The following RANBP2 variants were observed in gnomAD, a reference collection of about 807,000 sequenced individuals.
RANBP2 encodes RAN binding protein 2, also known as E3 SUMO-protein ligase RanBP2.
Under a neutral mutation model 303.6 loss-of-function variants are expected in RANBP2, and 57 were observed. That is an observed-to-expected ratio of 0.19 (90% CI 0.15 to 0.23). The LOEUF is 0.23. RANBP2 is among the 10% of genes least tolerant of loss of function. RANBP2 has a pLI of 1.00. For synonymous variants in RANBP2, 1,167 were observed against 1,301.5 expected (o/e 0.90, Z 2.23); for missense variants, 3,138 against 3,780.8 (o/e 0.83, Z 4.46).
chr2:109,112,507 G>C, the RANBP2 span, among the ~76,000 whole-genome samples: 1 of 151,964 alleles, frequency 6.6e-6, no homozygotes, highest in South Asian at 2.1e-4. Flanking sequence ...AAATTTGTTT[G>C]AGTTCATTGT....
the RANBP2 span, among the ~76,000 whole-genome samples, chr2:109,612,114 C>T: frequency 6.6e-6 from 1 of 151,846 alleles, no homozygotes; most frequent in Non-Finnish European, 1.5e-5. Context: ...ACAATCATAC[C>T]ATGGAATACT....
At chr2:108,770,020 G>A (rs1677387475) in intron 20 of RANBP2, among the ~76,000 whole-genome samples, 1 of 152,082 alleles carries the variant, frequency 6.6e-6, no homozygotes, top group Admixed American at 6.6e-5. Flanking sequence ...TATTTTTAAA[G>A]ATACGGTCTT....
At chr2:109,129,143 T>TG in the RANBP2 span, 1 of 379,090 alleles carries the variant, frequency 2.6e-6, no homozygotes, top group East Asian at 1.3e-4. Flanking sequence ...CCCGGGGACC[T>TG]GGCCGGCCGC....
the RANBP2 span, chr2:108,857,066 C>CT: frequency 5.6e-3 from 249 of 44,082 alleles, 88 homozygotes; most frequent in African/African-American, 0.019. Flanking sequence ...GATACTATTG[C>CT]TTTTTTTTTT....
the RANBP2 span, among the ~76,000 whole-genome samples, chr2:109,026,619 G>C: frequency 5.3e-5 from 8 of 152,138 alleles, no homozygotes; most frequent in Admixed American, 5.2e-4. Flanking sequence ...TATTCAAGTG[G>C]GGAAAGCAGC....
the RANBP2 span, among the ~76,000 whole-genome samples, chr2:109,539,178 G>A: frequency 2.0e-5 from 3 of 151,996 alleles, no homozygotes; most frequent in African/African-American, 4.8e-5. Context: ...CCCACCAGTA[G>A]TCCCAACTAT....
At chr2:109,620,239 C>T in the RANBP2 span, among the ~76,000 whole-genome samples, 3 of 152,294 alleles carry the variant, frequency 2.0e-5, no homozygotes, top group Admixed American at 2.0e-4. Flanking sequence ...TGCATTCATG[C>T]TATGTGAATA....
At position 108,782,761 on chromosome 2, in the gene RANBP2, C is replaced by T; in HGVS notation, c.9268C>T (p.Pro3090Ser). The change falls in exon 28 of 29, where the codon CCT (proline) becomes TCT (serine). Residue 3090 changes from proline (P) to serine (S), a missense_variant. By Grantham distance (74) the Pro-to-Ser change is moderately conservative. Around this residue, in one of 20 missense-constraint regions of RANBP2, gnomAD observed 204 missense variants for 228.4 expected, o/e 0.89. Coordinates refer to ENST00000283195, the MANE Select transcript of RANBP2 (RefSeq NM_006267.5). The stretch of plus-strand genomic sequence containing the variant: ...TATGGAATTATTTTCAAACATTGTT[C>T]CTCGGACTGCTGAGAACTTCAGAGC... ...ITMELFSNIV[P>S]RTAENFRALC... The T allele has an allele frequency of 6.2e-7, 1 of 1,614,166 alleles. No homozygotes were observed. Among genetic ancestry groups the T allele is most frequent in the Non-Finnish European group, 8.5e-7 (1 of 1,180,020 alleles).
chr2:109,712,434 T>G, the RANBP2 span, among the ~76,000 whole-genome samples: 1 of 152,044 alleles, frequency 6.6e-6, no homozygotes, highest in Non-Finnish European at 1.5e-5. Context: ...AATTATTTAT[T>G]TTATTTTATT....
chr2:109,609,893 G>A, the RANBP2 span, among the ~76,000 whole-genome samples: 7 of 151,942 alleles, frequency 4.6e-5, no homozygotes, highest in African/African-American at 1.7e-4. Flanking sequence ...GGCAGTCAGT[G>A]GACTGTACTC....
intron 25 of RANBP2, 114 bp downstream of exon 25, chr2:108,777,345 C>T: frequency 4.1e-6 from 2 of 492,176 alleles, no homozygotes; most frequent in Non-Finnish European, 6.5e-6. Flanking sequence ...CCTTACCCCC[C>T]AGTTTGTTTT....
At chr2:109,204,498 TCTAGA>T in the RANBP2 span, among the ~76,000 whole-genome samples, 56 of 152,346 alleles carry the variant, frequency 3.7e-4, no homozygotes, top group Admixed American at 1.9e-3. Context: ...TCTCCCTTAT[TCTAGA>T]CTAGTTTCTC....
At chr2:109,312,321 C>G in the RANBP2 span, among the ~76,000 whole-genome samples, 6 of 152,150 alleles carry the variant, frequency 3.9e-5, no homozygotes, top group Non-Finnish European at 8.8e-5. Flanking sequence ...GCTTGCTCCT[C>G]TTTCTAATAA....
the RANBP2 span, chr2:108,895,315 G>A: frequency 3.3e-5 from 5 of 152,440 alleles, no homozygotes; most frequent in South Asian, 2.1e-4. Context: ...TTACAACCTC[G>A]CTTTATAAGT....
At chr2:109,464,308 A>C in the RANBP2 span, among the ~76,000 whole-genome samples, 1 of 152,234 alleles carries the variant, frequency 6.6e-6, no homozygotes, top group African/African-American at 2.4e-5. Context: ...ACACATGTAC[A>C]ACATGAACTC....
the RANBP2 span, among the ~76,000 whole-genome samples, chr2:109,723,422 T>C: frequency 6.6e-6 from 1 of 152,200 alleles, no homozygotes; most frequent in Non-Finnish European, 1.5e-5. Flanking sequence ...AGTGCTGGGA[T>C]TACAGGTATG....
chr2:109,671,085 G>A, the RANBP2 span, among the ~76,000 whole-genome samples: 1 of 152,230 alleles, frequency 6.6e-6, no homozygotes, highest in Non-Finnish European at 1.5e-5. Flanking sequence ...ACAAGGTGAT[G>A]CTGTAACGCT....
chr2:109,003,205 C>CAA, the RANBP2 span, among the ~76,000 whole-genome samples: 15,708 of 44,558 alleles, frequency 0.35, 2,999 homozygotes, highest in East Asian at 0.84. Flanking sequence ...GTCTCCCTCT[C>CAA]AAAAAAAAAA....
At chr2:108,890,306 A>G in the RANBP2 span, among the ~76,000 whole-genome samples, 3 of 144,826 alleles carry the variant, frequency 2.1e-5, no homozygotes, top group Non-Finnish European at 4.4e-5. Context: ...GTGCAGTGGC[A>G]TGATATGGGC....
Sources: gnomAD v4.1 joint callset for allele counts (sites outside exome capture counted in the v4.1 genomes callset) on GRCh38, gnomAD v4.1.1 for gene constraint, gnomAD v4.1.1 regional missense constraint, MANE v1.5 for transcripts, NCBI Gene and HGNC (gene_info 2026-07-23, HGNC 2026-07-21) for gene names.